Variants in KIF15 observed in about 807,000 individuals in gnomAD.
KIF15 encodes the protein kinesin family member 15, also known as kinesin-like protein KIF15.
A neutral mutation model predicts 190.6 loss-of-function variants in KIF15; 140 were observed. The ratio of observed to expected loss-of-function variants is 0.73; its 90% CI spans 0.64 to 0.84. KIF15 has a LOEUF of 0.84. Ranked by LOEUF, KIF15 falls within the 40% of genes least tolerant of loss-of-function variation. The probability of loss-of-function intolerance (pLI) is 0.00; values close to 1 mark genes in which losing one functional copy is unlikely to be tolerated. For synonymous variants in KIF15, 528 were observed against 551.3 expected (o/e 0.96, Z 0.59); for missense variants, 1,372 against 1,584.4 (o/e 0.87, Z 2.28).
intron 22 of KIF15, among the ~76,000 whole-genome samples, 158 bp downstream of exon 22, chr3:44,826,618 G>T (rs1697671264): frequency 6.6e-6 from 1 of 152,020 alleles, no homozygotes; most frequent in African/African-American, 2.4e-5. Context: ...TGGCTATGTG[G>T]AGAAACTTAA....
chr3:44,861,082 C>T (rs890572400), intron 6 of KIF15, among the ~76,000 whole-genome samples: 7 of 152,190 alleles, frequency 4.6e-5, no homozygotes, highest in African/African-American at 1.7e-4. Flanking sequence ...ACCTTCACCT[C>T]CCAGGTTCAA....
chr3:44,765,982 G>A, intron 1 of KIF15: 1 of 159,354 alleles, frequency 6.3e-6, no homozygotes, highest in South Asian at 1.6e-4. Flanking sequence ...ACAGGCATGT[G>A]CCACCATGCC....
intron 19 of KIF15, 75 bp from the exon 20 acceptor site, chr3:44,814,836 G>C: frequency 1.7e-6 from 2 of 1,146,162 alleles, no homozygotes; most frequent in Non-Finnish European, 2.4e-6. Flanking sequence ...TTTGCTAATT[G>C]TGGGACTAGT....
intron 7 of KIF15, among the ~76,000 whole-genome samples, chr3:44,793,420 G>A (rs1165068201): frequency 5.3e-5 from 8 of 152,166 alleles, no homozygotes; most frequent in Non-Finnish European, 2.9e-5. Flanking sequence ...AAAGAAATGG[G>A]TTCAGAGAGG....
chr3:44,823,444 T>C (rs1018918161), intron 20 of KIF15, among the ~76,000 whole-genome samples: 1 of 152,206 alleles, frequency 6.6e-6, no homozygotes, highest in Admixed American at 6.5e-5. Context: ...GGGAGGTTTA[T>C]CCCAGTTAGG....
intron 7 of KIF15, among the ~76,000 whole-genome samples, chr3:44,789,165 GT>G (rs1403046742): frequency 6.6e-6 from 1 of 152,076 alleles, no homozygotes; most frequent in Non-Finnish European, 1.5e-5. Context: ...TAAGCTGGAT[GT>G]TTACTCACGT....
intron 1 of KIF15, among the ~76,000 whole-genome samples, chr3:44,768,084 G>A (rs1039750687): frequency 8.6e-5 from 13 of 151,592 alleles, no homozygotes; most frequent in African/African-American, 3.1e-4. Context: ...GACCATCCTG[G>A]CCAACATGGT....
At chr3:44,803,559 C>T (rs1707372787) in intron 14 of KIF15, among the ~76,000 whole-genome samples, 2 of 152,156 alleles carry the variant, frequency 1.3e-5, no homozygotes, top group South Asian at 4.1e-4. Flanking sequence ...GTCTTGACAG[C>T]TGTTGGTGTT....
intron 4 of KIF15, among the ~76,000 whole-genome samples, chr3:44,778,704 C>A (rs1220382291): frequency 6.6e-6 from 1 of 151,908 alleles, no homozygotes. Flanking sequence ...TCCAGCCAGG[C>A]GTGGTGGCTC....
Position 44,802,917 on chromosome 3 carries a change from A to C in KIF15, c.1613A>C (p.Glu538Ala). Residue 538 changes from glutamate (E) to alanine (A), a missense_variant, in exon 14 of 35, where the codon GAA becomes GCA. Transcript: ENST00000326047. Reference sequence around the variant, plus strand: ...TTAGAGCCTGTGAAAAGAGCTCAAGAAATGGATGCCCAGACCATTGCAAAA... The same window carrying C: ...TTAGAGCCTGTGAAAAGAGCTCAAGCAATGGATGCCCAGACCATTGCAAAA... ...RLLEPVKRAQ[E>A]MDAQTIAKLE... 1 of 1,612,690 alleles carries C rather than the reference A, an allele frequency of 6.2e-7. No individual in the cohort carries two copies. Among genetic ancestry groups the C allele is most frequent in the Non-Finnish European group, 8.5e-7 (1 of 1,179,720 alleles).
Position 44,848,005 on chromosome 3 carries a change from A to G in KIF15, c.3716A>G (p.Asn1239Ser). The G allele has an allele frequency of 6.2e-7, 1 of 1,611,538 alleles. No homozygotes were observed. Among genetic ancestry groups the G allele is most frequent in the Non-Finnish European group, 8.5e-7 (1 of 1,178,902 alleles). Residue 1239 changes from asparagine (N) to serine (S), a missense_variant, in exon 31 of 35, where the codon AAT (asparagine) becomes AGT (serine). Coordinates refer to ENST00000326047, the MANE Select transcript of KIF15 (RefSeq NM_020242.3). Reference protein sequence around the residue: ...KENSDQNHPDNQQLKNEQEES... With the variant: ...KENSDQNHPDSQQLKNEQEES... ...TGCAGTGATCAGAATCATCCAGATA[A>G]TCAACAGCTGAAGAATGAACAAGAA...
chr3:44,827,649 G>T, intron 23 of KIF15, 121 bp downstream of exon 23: 1 of 556,910 alleles, frequency 1.8e-6, no homozygotes, highest in Non-Finnish European at 3.2e-6. Context: ...GAAAGAAATG[G>T]AATTTGGGGC....
chr3:44,840,981 G>C (rs187242515), intron 28 of KIF15, 93 bp from the exon 29 acceptor site: 1 of 1,225,734 alleles, frequency 8.2e-7, no homozygotes, highest in South Asian at 1.3e-5. Flanking sequence ...GCCGTAGCTA[G>C]AATATTTTTT....
At position 44,778,165 on chromosome 3, in the gene KIF15, C is replaced by A. The variant is rs763459304; in HGVS notation, c.297C>A (p.Ser99Arg). 2 of 1,613,460 alleles carry A rather than the reference C, an allele frequency of 1.2e-6. No individual in the cohort carries two copies. Among genetic ancestry groups the A allele is most frequent in the Non-Finnish European group, 1.7e-6 (2 of 1,179,408 alleles). ...AAAGCATTGTGGAGTCTTGCATGAG[C>A]GGTTATAATGGTACCATCTTTGCAT... is the stretch of plus-strand genomic sequence containing the variant. Reference protein sequence around the residue: ...VAKSIVESCMSGYNGTIFAYG... With the variant: ...VAKSIVESCMRGYNGTIFAYG... The change falls in exon 4 of 35, where the codon AGC becomes AGA. Residue 99 changes from serine to arginine, a missense_variant. Physicochemically the swap from Ser to Arg is moderately radical, Grantham distance 110. Coordinates refer to ENST00000326047, the MANE Select transcript of KIF15 (RefSeq NM_020242.3).
At chr3:44,786,182 C>T (rs1415876401) in intron 6 of KIF15, among the ~76,000 whole-genome samples, 2 of 152,172 alleles carry the variant, frequency 1.3e-5, no homozygotes, top group African/African-American at 4.8e-5. Flanking sequence ...CGCCACTGCA[C>T]TGCAGCCTGG....
chr3:44,812,644 A>T (rs947718278), intron 18 of KIF15, among the ~76,000 whole-genome samples: 1 of 152,186 alleles, frequency 6.6e-6, no homozygotes, highest in African/African-American at 2.4e-5. Context: ...GGGGACAGCC[A>T]ATTTTCTTCT....
At chr3:44,865,321 AG>A in intron 6 of KIF15, 1 of 1,130,878 alleles carries the variant, frequency 8.8e-7, no homozygotes, top group Non-Finnish European at 1.3e-6. Flanking sequence ...CTGATGGAGC[AG>A]GCTCTGGCTC....
intron 6 of KIF15, chr3:44,865,457 T>C: frequency 2.3e-6 from 1 of 442,910 alleles, no homozygotes; most frequent in Non-Finnish European, 4.1e-6. Context: ...GATCCTGGGG[T>C]TGGTCTGCTT....
At chr3:44,809,781 T>G (rs533819829) in intron 16 of KIF15, among the ~76,000 whole-genome samples, 2 of 152,204 alleles carry the variant, frequency 1.3e-5, no homozygotes, top group African/African-American at 4.8e-5. Flanking sequence ...TTATTCTATT[T>G]CTGGGCGGGG....
Sources: allele counts gnomAD v4.1 joint callset (sites outside exome capture counted in the v4.1 genomes callset), GRCh38; gene constraint gnomAD v4.1.1; transcripts MANE v1.5; gene names NCBI Gene and HGNC (gene_info 2026-07-23, HGNC 2026-07-21).